RUNX1T1: variants seen among roughly 807,000 people sequenced by gnomAD.
RUNX1T1 encodes the protein protein CBFA2T1.
In RUNX1T1, 4 loss-of-function variants were observed where a neutral mutation model predicts 62.8. That is an observed-to-expected ratio of 0.06 (90% confidence interval 0.03 to 0.15). RUNX1T1 has a LOEUF of 0.15. RUNX1T1 is among the 10% of genes least tolerant of loss of function. RUNX1T1 has a pLI of 1.00. For missense variants in RUNX1T1, 508 were observed against 754.3 expected, an observed-to-expected ratio of 0.67 and a Z score of 3.82; for synonymous variants, 291 against 286.0, an observed-to-expected ratio of 1.02 and a Z score of -0.18.
intron 3 of RUNX1T1, 132 bp downstream of exon 4, chr8:92,014,447 G>T (rs1027533027): frequency 1.1e-6 from 1 of 870,808 alleles, no homozygotes; most frequent in Non-Finnish European, 1.7e-6. Context: ...GCATGAATCA[G>T]ACTTGCACAC....
chr8:92,099,216 T>C (rs1338663911), intron 1 of RUNX1T1, among the ~76,000 whole-genome samples: 3 of 152,216 alleles, frequency 2.0e-5, no homozygotes, highest in Admixed American at 1.3e-4. Flanking sequence ...TTTTTTCTTA[T>C]AGATTTTAAG....
At chr8:92,070,234 A>G (rs1340194780) in intron 2 of RUNX1T1, among the ~76,000 whole-genome samples, 1 of 152,252 alleles carries the variant, frequency 6.6e-6, no homozygotes, top group Non-Finnish European at 1.5e-5. Flanking sequence ...CCTGCATTTA[A>G]GAAGACTCCA....
At chr8:92,053,953 T>A (rs567707955) in intron 1 of RUNX1T1, among the ~76,000 whole-genome samples, 2 of 152,154 alleles carry the variant, frequency 1.3e-5, no homozygotes, top group African/African-American at 4.8e-5. Context: ...AGAAGCTGTA[T>A]CTTGGGATAA....
chr8:92,038,778 C>T (rs1397818130), intron 1 of RUNX1T1, among the ~76,000 whole-genome samples: 3 of 152,118 alleles, frequency 2.0e-5, no homozygotes, highest in Non-Finnish European at 4.4e-5. Flanking sequence ...GCAAACTCTG[C>T]CCTCGAAACT....
At chr8:92,005,360 C>G in intron 4 of RUNX1T1, 63 bp from the exon 6 acceptor site, 1 of 1,471,886 alleles carries the variant, frequency 6.8e-7, no homozygotes, top group Non-Finnish European at 9.3e-7. Flanking sequence ...TGTTGACTTA[C>G]TCTGCTTTTC....
chr8:92,063,403 A>T (rs1832383526), upstream of RUNX1T1: 1 of 152,154 alleles, frequency 6.6e-6, no homozygotes, highest in Non-Finnish European at 1.5e-5. Flanking sequence ...GGGAGATAAA[A>T]ACAAAATCTT....
At chr8:91,956,057 A>G (rs1397475667), downstream of RUNX1T1, 1 of 229,946 alleles carries the variant, frequency 4.3e-6, no homozygotes, top group African/African-American at 2.2e-5. Context: ...CCATTCGGGT[A>G]TGCACAAGGC....
chr8:92,061,020 T>C (rs1831950016), intron 1 of RUNX1T1, among the ~76,000 whole-genome samples: 2 of 152,170 alleles, frequency 1.3e-5, no homozygotes, highest in South Asian at 2.1e-4. Context: ...AACAAACTTA[T>C]CAATGACTCT....
At chr8:92,069,332 T>G (rs1431894112) in intron 2 of RUNX1T1, among the ~76,000 whole-genome samples, 1 of 152,120 alleles carries the variant, frequency 6.6e-6, no homozygotes, top group African/African-American at 2.4e-5. Flanking sequence ...AGAAATTGTC[T>G]AAAGAGTGTT....
chr8:92,005,019 A>T (rs779025688), intron 5 of RUNX1T1, 97 bp downstream of exon 6: 5 of 1,056,366 alleles, frequency 4.7e-6, no homozygotes, highest in South Asian at 1.6e-5. Context: ...TGCAAGAATG[A>T]CATAGGCCAG....
intron 1 of RUNX1T1, among the ~76,000 whole-genome samples, chr8:92,035,268 C>A (rs1291995774): frequency 7.3e-6 from 1 of 136,804 alleles, no homozygotes; most frequent in Admixed American, 8.3e-5. Context: ...GCCCTCCCGT[C>A]TGAGCGATAA....
upstream of RUNX1T1, among the ~76,000 whole-genome samples, chr8:92,064,359 C>G (rs186323612): frequency 2.4e-4 from 37 of 152,306 alleles, no homozygotes; most frequent in Admixed American, 5.9e-4. Flanking sequence ...TAATAGTATA[C>G]TGCACCCTAT....
At chr8:91,999,689 T>C (rs1363798117) in intron 5 of RUNX1T1, among the ~76,000 whole-genome samples, 1 of 152,182 alleles carries the variant, frequency 6.6e-6, no homozygotes, top group African/African-American at 2.4e-5. Flanking sequence ...TATATGTTAG[T>C]CTGTCAATTA....
intron 2 of RUNX1T1, among the ~76,000 whole-genome samples, chr8:92,069,391 G>A (rs1385166316): frequency 6.6e-6 from 1 of 151,714 alleles, no homozygotes; most frequent in Non-Finnish European, 1.5e-5. Context: ...CCACCAGGTG[G>A]AGCAAATACA....
chr8:92,005,607 T>C, intron 4 of RUNX1T1: 1 of 272,314 alleles, frequency 3.7e-6, no homozygotes. Context: ...CTACGGTATG[T>C]GAGAACCTAG....
At chr8:92,026,724 A>T (rs1175923953) in intron 1 of RUNX1T1, among the ~76,000 whole-genome samples, 1 of 151,954 alleles carries the variant, frequency 6.6e-6, no homozygotes, top group African/African-American at 2.4e-5. Flanking sequence ...CAGGAGGTTG[A>T]GGCAGGAGAA....
At chr8:91,971,600 A>G (rs1167578358) in intron 9 of RUNX1T1, among the ~76,000 whole-genome samples, 1 of 152,308 alleles carries the variant, frequency 6.6e-6, no homozygotes, top group Admixed American at 6.5e-5. Flanking sequence ...TAATATAAAT[A>G]TGTGCCTTTA....
chr8:91,956,313 T>C (rs1461503632), downstream of RUNX1T1: 3 of 231,214 alleles, frequency 1.3e-5, no homozygotes, highest in East Asian at 1.8e-4. Context: ...AGCTCGACTT[T>C]TGCAAAGTTC....
intron 1 of RUNX1T1, among the ~76,000 whole-genome samples, chr8:92,044,981 A>C (rs1829136563): frequency 6.6e-6 from 1 of 151,940 alleles, no homozygotes; most frequent in African/African-American, 2.4e-5. Flanking sequence ...CTGTAATCCT[A>C]GCACTTTGGG....
Sources: allele counts gnomAD v4.1 joint callset (sites outside exome capture counted in the v4.1 genomes callset), GRCh38; gene constraint gnomAD v4.1.1; transcripts MANE v1.5; gene names NCBI Gene and HGNC (gene_info 2026-07-23, HGNC 2026-07-21).